BAIAP2L1: variants seen among roughly 807,000 people sequenced by gnomAD.
The protein encoded by BAIAP2L1 is BAR/IMD domain containing adaptor protein 2 like 1, also known as BAR/IMD domain-containing adapter protein 2-like 1.
A neutral mutation model predicts 66.3 loss-of-function variants in BAIAP2L1; 35 were observed. The observed-to-expected ratio is 0.53, with a 90% CI of 0.40 to 0.70. BAIAP2L1 has a LOEUF of 0.70. Ranked by LOEUF, BAIAP2L1 falls within the 30% of genes least tolerant of loss-of-function variation. BAIAP2L1 has a pLI of 0.00. For synonymous variants in BAIAP2L1, 269 were observed against 248.7 expected (o/e 1.08, Z -0.77); for missense variants, 622 against 656.9 (o/e 0.95, Z 0.58).
chr7:98,379,279 G>C (rs993317284), intron 1 of BAIAP2L1, among the ~76,000 whole-genome samples: 17 of 152,120 alleles, frequency 1.1e-4, no homozygotes, highest in Non-Finnish European at 5.9e-5. Flanking sequence ...GCAGCAGCAG[G>C]TTCTGACACC....
chr7:98,396,068 C>T (rs537333826), intron 1 of BAIAP2L1, among the ~76,000 whole-genome samples: 1 of 152,030 alleles, frequency 6.6e-6, no homozygotes, highest in Non-Finnish European at 1.5e-5. Context: ...AGTTTTTAGT[C>T]AAAAAATAAT....
chr7:98,352,508 G>C (rs570521359), intron 3 of BAIAP2L1, among the ~76,000 whole-genome samples: 7 of 152,040 alleles, frequency 4.6e-5, no homozygotes, highest in Non-Finnish European at 1.0e-4. Context: ...CGGGTATGGT[G>C]GTGGGCACCT....
At chr7:98,325,098 T>C (rs959643563) in intron 3 of BAIAP2L1, among the ~76,000 whole-genome samples, 1 of 152,182 alleles carries the variant, frequency 6.6e-6, no homozygotes, top group Non-Finnish European at 1.5e-5. Context: ...AAAAATATCA[T>C]TGGAGGCCAG....
Position 98,356,913 on chromosome 7 carries a change from G to A in BAIAP2L1, c.128-1785C>T, listed in dbSNP as rs536829216. Among the ~76,000 whole-genome samples the A allele has an allele frequency of 1.3e-3, 175 of 135,834 alleles. 1 individual carries two copies. Among genetic ancestry groups the A allele is most frequent in the African/African-American group, 4.1e-3 (151 of 36,496 alleles). 89.1% of individuals were successfully genotyped at this position (135,834 alleles called of 152,430 possible). On this transcript the variant is annotated intron_variant, in intron 2 of 13. Coordinates refer to ENST00000005260, the MANE Select transcript of BAIAP2L1 (RefSeq NM_018842.5). ...CAGGAAGCTAAGGTGGGAGAATTGCGTGAGCCCAGAAGGTCAAGACTGCAG... is the reference window on the plus strand; with the variant it reads ...CAGGAAGCTAAGGTGGGAGAATTGCATGAGCCCAGAAGGTCAAGACTGCAG...
intron 1 of BAIAP2L1, among the ~76,000 whole-genome samples, chr7:98,378,452 G>A (rs1159967978): frequency 6.6e-6 from 1 of 152,200 alleles, no homozygotes; most frequent in Non-Finnish European, 1.5e-5. Context: ...TCTCCAAACA[G>A]GTCACATCCA....
intron 12 of BAIAP2L1, among the ~76,000 whole-genome samples, chr7:98,294,569 G>A (rs1325977767): frequency 1.3e-5 from 2 of 152,306 alleles, no homozygotes; most frequent in Admixed American, 6.5e-5. Context: ...TGAAGCTTGA[G>A]CAACAGAGCG....
chr7:98,377,935 C>A (rs1802672282), intron 1 of BAIAP2L1, among the ~76,000 whole-genome samples: 1 of 151,250 alleles, frequency 6.6e-6, no homozygotes, highest in Non-Finnish European at 1.5e-5. Flanking sequence ...CGAGACCAGC[C>A]TGGCCAACAC....
chr7:98,294,488 G>A (rs1186531070), intron 12 of BAIAP2L1, among the ~76,000 whole-genome samples: 1 of 152,194 alleles, frequency 6.6e-6, no homozygotes, highest in Non-Finnish European at 1.5e-5. Context: ...CTGCCTGCGC[G>A]GGTCACCCGT....
At chr7:98,301,344 G>C (rs78527510) in intron 12 of BAIAP2L1, among the ~76,000 whole-genome samples, 218 of 152,276 alleles carry the variant, frequency 1.4e-3, no homozygotes, top group African/African-American at 5.1e-3. Context: ...AATGACAACT[G>C]AAATGATTAG....
intron 1 of BAIAP2L1, among the ~76,000 whole-genome samples, chr7:98,393,201 A>AT (rs1803112783): frequency 1.5e-5 from 2 of 129,666 alleles, no homozygotes; most frequent in Non-Finnish European, 3.5e-5. Flanking sequence ...GTTTATATAT[A>AT]TATGTAATTT....
At chr7:98,307,467 T>G in intron 10 of BAIAP2L1, 1 of 1,410,804 alleles carries the variant, frequency 7.1e-7, no homozygotes, top group South Asian at 1.5e-5. Context: ...GGTGACTTCA[T>G]ACGCTCTAAT....
At chr7:98,393,018 T>G (rs894649512) in intron 1 of BAIAP2L1, among the ~76,000 whole-genome samples, 2 of 137,108 alleles carry the variant, frequency 1.5e-5, no homozygotes, top group Non-Finnish European at 3.1e-5. Context: ...TGTATATATA[T>G]ACATACACAC....
chr7:98,369,767 GT>G (rs1371175209), intron 1 of BAIAP2L1, among the ~76,000 whole-genome samples: 2 of 147,464 alleles, frequency 1.4e-5, no homozygotes, highest in Non-Finnish European at 3.0e-5. Context: ...CACCTCCTGG[GT>G]TCACGCAACT....
At chr7:98,399,837 T>C (rs1803310061) in intron 1 of BAIAP2L1, 1 of 152,218 alleles carries the variant, frequency 6.6e-6, no homozygotes, top group South Asian at 2.1e-4. Context: ...GTTAGGTCAA[T>C]TTCATTAAAA....
chr7:98,320,324 C>T (rs755412353), intron 3 of BAIAP2L1, 26 bp from the exon 4 acceptor site: 28 of 1,537,172 alleles, frequency 1.8e-5, no homozygotes, highest in Non-Finnish European at 2.3e-5. Context: ...GATATGTTAG[C>T]GGGAAGCCAT....
intron 3 of BAIAP2L1, among the ~76,000 whole-genome samples, chr7:98,354,678 T>C (rs1319600720): frequency 6.6e-6 from 1 of 152,200 alleles, no homozygotes; most frequent in Non-Finnish European, 1.5e-5. Flanking sequence ...TCGGATTTTC[T>C]ACTAGGTGAG....
intron 12 of BAIAP2L1, among the ~76,000 whole-genome samples, chr7:98,299,433 C>T (rs1217558406): frequency 3.3e-5 from 5 of 152,180 alleles, no homozygotes; most frequent in African/African-American, 1.2e-4. Context: ...GCTGGGATTA[C>T]AGGTGTGAGC....
At chr7:98,350,115 G>GA (rs1468269602) in intron 3 of BAIAP2L1, among the ~76,000 whole-genome samples, 45 of 148,522 alleles carry the variant, frequency 3.0e-4, no homozygotes, top group African/African-American at 5.4e-4. Flanking sequence ...CAAAAAGGGG[G>GA]GAAAAAAAAA....
At chr7:98,344,399 C>T (rs1031649805) in intron 3 of BAIAP2L1, among the ~76,000 whole-genome samples, 5 of 152,176 alleles carry the variant, frequency 3.3e-5, no homozygotes, top group African/African-American at 1.2e-4. Flanking sequence ...CAATATTTTT[C>T]TATCACTTTC....
Sources: gnomAD v4.1 joint callset for allele counts (sites outside exome capture counted in the v4.1 genomes callset) on GRCh38, gnomAD v4.1.1 for gene constraint, MANE v1.5 for transcripts, NCBI Gene and HGNC (gene_info 2026-07-23, HGNC 2026-07-21) for gene names.